The following KDF1 variants were observed in gnomAD, a reference collection of about 807,000 sequenced individuals.
KDF1 encodes the protein keratinocyte differentiation factor 1.
Under a neutral mutation model 31.6 loss-of-function variants are expected in KDF1, and 11 were observed. That is an observed-to-expected ratio of 0.35 (90% CI 0.22 to 0.58). The LOEUF is 0.58. KDF1 is among the 20% of genes least tolerant of loss of function. The probability of loss-of-function intolerance (pLI) is 0.83; values close to 1 mark genes in which losing one functional copy is unlikely to be tolerated. For missense variants in KDF1, 476 were observed against 549.1 expected, an observed-to-expected ratio of 0.87 and a Z score of 1.33; for synonymous variants, 205 against 214.4, an observed-to-expected ratio of 0.96 and a Z score of 0.38.
In KDF1 at chr1:26,951,945, G is replaced by T; in HGVS notation, c.436C>A (p.Arg146=). Residue 146 remains arginine, a synonymous_variant, in exon 2 of 4, where the codon CGG becomes AGG. Transcript: ENST00000320567. The surrounding 1 kb of genome is among the most constrained non-coding windows in gnomAD (Gnocchi z 5.4). Reference sequence around the variant, plus strand: ...GTTGACTTGAGCCGCTGGCCATCCCGCCGGCTGGGGGGTGCACGATCAGGG... The same window carrying T: ...GTTGACTTGAGCCGCTGGCCATCCCTCCGGCTGGGGGGTGCACGATCAGGG... The part of the protein sequence containing the change: ...PSPDRAPPSR[R]DGQRLKSTMG... 1 of 1,604,648 alleles carries T rather than the reference G, an allele frequency of 6.2e-7. No individual in the cohort carries two copies. Among genetic ancestry groups the T allele is most frequent in the Non-Finnish European group, 8.5e-7 (1 of 1,173,750 alleles).
At position 26,952,121 on chromosome 1, in the gene KDF1, C is replaced by A. The variant is rs151306106; in HGVS notation, c.260G>T (p.Arg87Leu). The part of the protein sequence containing the change: ...LWRPWVWEWC[R>L]AAFCFRRCRD... ...GCAGCGGCGGAAGCAGAAGGCAGCC[C>A]GGCACCACTCCCACACCCAGGGTCG... The change falls in exon 2 of 4, where the codon CGG becomes CTG. Residue 87 changes from arginine (R) to leucine (L), a missense_variant. Coordinates refer to ENST00000320567, the MANE Select transcript of KDF1 (RefSeq NM_152365.3). This position sits in a 1 kb window ranked among gnomAD's most constrained non-coding sequence, Gnocchi z 4.1. 3 of 1,613,294 alleles carry A rather than the reference C, an allele frequency of 1.9e-6. No individual in the cohort carries two copies. The highest frequency in any genetic ancestry group is 2.5e-6 in the Non-Finnish European group (3 of 1,179,928).
Position 26,950,175 on chromosome 1 carries a change from G to T in KDF1, c.1115-24C>A. The T allele has an allele frequency of 6.3e-7, 1 of 1,595,870 alleles. No individual in the cohort carries two copies. Among genetic ancestry groups the T allele is most frequent in the Non-Finnish European group, 8.6e-7 (1 of 1,163,800 alleles). On this transcript the variant is annotated intron_variant, in intron 3 of 3. Transcript: ENST00000320567. The surrounding 1 kb of genome is among the most constrained non-coding windows in gnomAD (Gnocchi z 4.0). ...CCCTGGTAGGAAGGAGAGGAGAGGA[G>T]GAAACAGGCTCAGGGGAAGGAGCTC...
rs189933585 is a variant in KDF1 at position 26,956,334 on chromosome 1, C to T, written c.-32-3922G>A. On this transcript the variant is annotated intron_variant, in intron 1 of 3. Coordinates refer to ENST00000320567, the MANE Select transcript of KDF1 (RefSeq NM_152365.3). The stretch of plus-strand genomic sequence containing the variant: ...TCATTATCTCTCACCCAAATACTGT[C>T]ACAGCCGCCATTCTGGCCACTTCCA... Among the ~76,000 whole-genome samples, 351 of 152,270 alleles carry T rather than the reference C, an allele frequency of 2.3e-3. 1 individual carries two copies. Among genetic ancestry groups the T allele is most frequent in the African/African-American group, 7.9e-3 (327 of 41,538 alleles).
Position 26,949,732 on chromosome 1 carries a change from A to G in KDF1, c.*337T>C. On this transcript the variant is annotated 3_prime_UTR_variant, in exon 4 of 4. Coordinates refer to ENST00000320567, the MANE Select transcript of KDF1 (RefSeq NM_152365.3). Reference sequence around the variant, plus strand: ...TTACCCCAGGGAGGGAGAAGTTTGCATGATTGGTTAGGGTGGCAATAGGGG... The same window carrying G: ...TTACCCCAGGGAGGGAGAAGTTTGCGTGATTGGTTAGGGTGGCAATAGGGG... 1 of 263,614 alleles carries G rather than the reference A, an allele frequency of 3.8e-6. No homozygotes were observed. Among genetic ancestry groups the G allele is most frequent in the South Asian group, 4.9e-5 (1 of 20,364 alleles). 16.3% of individuals were successfully genotyped at this position (263,614 alleles called of 1,614,324 possible).
chr1:26,953,549 T>C (rs1202562536), intron 1 of KDF1, among the ~76,000 whole-genome samples: 2 of 152,200 alleles, frequency 1.3e-5, no homozygotes, highest in Non-Finnish European at 2.9e-5. Flanking sequence ...AAATGTGGTA[T>C]ATACATACAA....
At chr1:26,953,335 C>G (rs868017278) in intron 1 of KDF1, among the ~76,000 whole-genome samples, 1 of 152,188 alleles carries the variant, frequency 6.6e-6, no homozygotes, top group Non-Finnish European at 1.5e-5. Context: ...AATGGTGCAG[C>G]TGCTATGGAA....
Position 26,950,059 on chromosome 1 carries a change from C to A in KDF1, c.*10G>T. ...CCCAGAAAGGGTGTGGCAGCTGGGC[C>A]TGGCAGGGGTTAGCAGTACACCTGG... is the stretch of plus-strand genomic sequence containing the variant. On this transcript the variant is annotated 3_prime_UTR_variant, in exon 4 of 4. Coordinates refer to ENST00000320567, the MANE Select transcript of KDF1 (RefSeq NM_152365.3). This position sits in a 1 kb window ranked among gnomAD's most constrained non-coding sequence, Gnocchi z 4.0. The A allele has an allele frequency of 6.2e-7, 1 of 1,611,984 alleles. No individual in the cohort carries two copies. The highest frequency in any genetic ancestry group is 8.5e-7 in the Non-Finnish European group (1 of 1,178,208).
Position 26,950,833 on chromosome 1 carries a change from C to T in KDF1, c.1040-77G>A, listed in dbSNP as rs1042763087. 7.5e-6 allele frequency: 10 copies of T among 1,338,516 alleles called. No individual in the cohort carries two copies. Among genetic ancestry groups the T allele is most frequent in the Middle Eastern group, 1.8e-4 (1 of 5,468 alleles). The allele number at this position is 1,338,516 out of a possible 1,614,324, so 82.9% of individuals were successfully genotyped here. A position where few individuals can be genotyped will look rare whatever the true frequency, so the allele number is the denominator to read the frequency against. On this transcript the variant is annotated intron_variant, in intron 2 of 3. Transcript: ENST00000320567. This position sits in a 1 kb window ranked among gnomAD's most constrained non-coding sequence, Gnocchi z 4.0. ...CTATTTCCTACTTCTGTTCCCAGCCCGATGAGGGAGGAGCCACTCACTCCT... is the reference window on the plus strand; with the variant it reads ...CTATTTCCTACTTCTGTTCCCAGCCTGATGAGGGAGGAGCCACTCACTCCT...
chr1:26,953,667 C>T (rs767542172), intron 1 of KDF1, among the ~76,000 whole-genome samples: 1 of 152,098 alleles, frequency 6.6e-6, no homozygotes, highest in South Asian at 2.1e-4. Context: ...CACAAAAGGA[C>T]AAATAGCCCG....
rs751293758 is a variant in KDF1 at position 26,951,785 on chromosome 1, C to T, written c.596G>A (p.Arg199Gln). 51 of 1,613,958 alleles carry T rather than the reference C, an allele frequency of 3.2e-5. No individual in the cohort carries two copies. Among genetic ancestry groups the T allele is most frequent in the Non-Finnish European group, 4.2e-5 (49 of 1,180,032 alleles). ...GGCAAAGGTGCTGGGCAGGCTGTGT[C>T]GCATGGGTGGGGGATCGGCCAGTGG... ...KEPLADPPPM[R>Q]HSLPSTFASS... Residue 199 changes from arginine to glutamine, a missense_variant, in exon 2 of 4, where the codon CGA becomes CAA. Coordinates refer to ENST00000320567, the MANE Select transcript of KDF1 (RefSeq NM_152365.3). This position sits in a 1 kb window ranked among gnomAD's most constrained non-coding sequence, Gnocchi z 5.4.
In KDF1 at chr1:26,950,678, A is replaced by G. The variant is rs1250135287; in HGVS notation, c.1114+4T>C. 1 of 1,600,582 alleles carries G rather than the reference A, an allele frequency of 6.2e-7. No individual in the cohort carries two copies. The highest frequency in any genetic ancestry group is 1.3e-5 in the African/African-American group (1 of 74,564). On this transcript the variant is annotated splice_donor_region_variant and intron_variant, in intron 3 of 3. Transcript: ENST00000320567. The surrounding 1 kb of genome is among the most constrained non-coding windows in gnomAD (Gnocchi z 4.0). Reference sequence around the variant, plus strand: ...CCACACCCCTCATTAGGTCAAGACCACACCTGGAGCTCCATAAGGCCTCAG... The same window carrying G: ...CCACACCCCTCATTAGGTCAAGACCGCACCTGGAGCTCCATAAGGCCTCAG...
chr1:26,949,942 G>A lies in KDF1; in HGVS notation c.*127C>T, dbSNP rs555418761. 73 of 900,818 alleles carry A rather than the reference G, an allele frequency of 8.1e-5. 1 individual carries two copies. In the Middle Eastern group the frequency reaches 3.6e-3, roughly 44 times the overall value. 55.8% of individuals were successfully genotyped at this position (900,818 alleles called of 1,614,324 possible). On this transcript the variant is annotated 3_prime_UTR_variant, in exon 4 of 4. Coordinates refer to ENST00000320567, the MANE Select transcript of KDF1 (RefSeq NM_152365.3). Reference sequence around the variant, plus strand: ...ATGGTCCAGGAACCCAGTCAGCCAAGGCAGGAGGAGCCAGAGTGGGCACTG... The same window carrying A: ...ATGGTCCAGGAACCCAGTCAGCCAAAGCAGGAGGAGCCAGAGTGGGCACTG...
rs1439734183 is a variant in KDF1 at position 26,951,738 on chromosome 1, C to T, written c.643G>A (p.Glu215Lys). 3 of 1,614,042 alleles carry T rather than the reference C, an allele frequency of 1.9e-6. No individual in the cohort carries two copies. Among genetic ancestry groups the T allele is most frequent in the Non-Finnish European group, 2.5e-6 (3 of 1,180,028 alleles). The change falls in exon 2 of 4, where the codon GAG becomes AAG. Residue 215 changes from glutamate (E) to lysine (K), a missense_variant. Physicochemically the swap from Glu to Lys is moderately conservative, Grantham distance 56 (BLOSUM62 1). Coordinates refer to ENST00000320567, the MANE Select transcript of KDF1 (RefSeq NM_152365.3). This position sits in a 1 kb window ranked among gnomAD's most constrained non-coding sequence, Gnocchi z 5.4. ...TFASSPRGSE[E>K]YYSFHESDLD... ...TCCGACTCATGGAAAGAATAGTACT[C>T]CTCGGAGCCACGAGGACTACTGGCA...
chr1:26,952,141 G>C lies in KDF1; in HGVS notation c.240C>G (p.Pro80=), dbSNP rs903857906. The change falls in exon 2 of 4, where the codon CCC becomes CCG. Residue 80 remains proline (P), a synonymous_variant. Transcript: ENST00000320567. This position sits in a 1 kb window ranked among gnomAD's most constrained non-coding sequence, Gnocchi z 4.1. ...CAGCCCGGCACCACTCCCACACCCA[G>C]GGTCGCCAGAGCAGGCAGCAGGTGG... ...ESPTCCLLWR[P]WVWEWCRAAF... is the part of the protein sequence containing the mutation. The C allele has an allele frequency of 6.2e-7, 1 of 1,613,634 alleles. No individual in the cohort carries two copies. Among genetic ancestry groups the C allele is most frequent in the Non-Finnish European group, 8.5e-7 (1 of 1,179,918 alleles).
At position 26,950,187 on chromosome 1, in the gene KDF1, A is replaced by C; in HGVS notation, c.1115-36T>G. ...GGAGAGGAGAGGAGGAAACAGGCTC[A>C]GGGGAAGGAGCTCATCCAGATCCCA... On this transcript the variant is annotated intron_variant, in intron 3 of 3. Coordinates refer to ENST00000320567, the MANE Select transcript of KDF1 (RefSeq NM_152365.3). This position sits in a 1 kb window ranked among gnomAD's most constrained non-coding sequence, Gnocchi z 4.0. 6.4e-7 allele frequency: 1 copy of C among 1,569,628 alleles called. No individual in the cohort carries two copies. Among genetic ancestry groups the C allele is most frequent in the Non-Finnish European group, 8.8e-7 (1 of 1,140,040 alleles).
At position 26,950,853 on chromosome 1, in the gene KDF1, A is replaced by T; in HGVS notation, c.1040-97T>A. 9.5e-7 allele frequency: 1 copy of T among 1,050,032 alleles called. No homozygotes were observed. The highest frequency in any genetic ancestry group is 1.5e-6 in the Non-Finnish European group (1 of 679,808). 65.0% of individuals were successfully genotyped at this position (1,050,032 alleles called of 1,614,324 possible). On this transcript the variant is annotated intron_variant, in intron 2 of 3. Transcript: ENST00000320567. The surrounding 1 kb of genome is among the most constrained non-coding windows in gnomAD (Gnocchi z 4.0). ...CAGCCCGATGAGGGAGGAGCCACTC[A>T]CTCCTGGGCAGGGCTAGAAAAATAA...
At chr1:26,955,755 G>A (rs573369097) in intron 1 of KDF1, among the ~76,000 whole-genome samples, 21 of 152,308 alleles carry the variant, frequency 1.4e-4, no homozygotes, top group Admixed American at 6.5e-4. Flanking sequence ...AGGATTTCGA[G>A]ACCAGCCTGA....
In KDF1 at chr1:26,960,244, C is replaced by G. The variant is rs2082395053; in HGVS notation, c.-33+106G>C. On this transcript the variant is annotated intron_variant, in intron 1 of 3. Transcript: ENST00000320567. This position sits in a 1 kb window ranked among gnomAD's most constrained non-coding sequence, Gnocchi z 4.9. ...ACCCCGGAAGTAGGAGGGTGGCCCC[C>G]GAGGAACCGGGCCCGGGACCCTCTC... The G allele has an allele frequency of 6.6e-6, 1 of 152,192 alleles. No individual in the cohort carries two copies. The highest frequency in any genetic ancestry group is 2.4e-5 in the African/African-American group (1 of 41,452). The allele number at this position is 152,192 out of a possible 1,614,324, so 9.4% of individuals were successfully genotyped here.
rs1439972106 is a variant in KDF1 at position 26,952,746 on chromosome 1, C to T, written c.-32-334G>A. 6.6e-6 allele frequency among the ~76,000 whole-genome samples: 1 copy of T among 151,888 alleles called. No individual in the cohort carries two copies. The highest frequency in any genetic ancestry group is 1.5e-5 in the Non-Finnish European group (1 of 67,966). On this transcript the variant is annotated intron_variant, in intron 1 of 3. Coordinates refer to ENST00000320567, the MANE Select transcript of KDF1 (RefSeq NM_152365.3). The surrounding 1 kb of genome is among the most constrained non-coding windows in gnomAD (Gnocchi z 4.1). ...CTGTAATCCCAGCACTTTGGGAGGC[C>T]GAGGCAGGCAGATCACCTGAGGTCA... is the stretch of plus-strand genomic sequence containing the variant.
Sources: allele counts gnomAD v4.1 joint callset (sites outside exome capture counted in the v4.1 genomes callset), GRCh38; gene constraint gnomAD v4.1.1; non-coding constraint Gnocchi (gnomAD v3.1); transcripts MANE v1.5; gene names NCBI Gene and HGNC (gene_info 2026-07-23, HGNC 2026-07-21).